ATP9B: variants seen among roughly 807,000 people sequenced by gnomAD.
The protein encoded by ATP9B is probable phospholipid-transporting ATPase IIB.
In ATP9B, 110 loss-of-function variants were observed where a neutral mutation model predicts 146.1. The ratio of observed to expected loss-of-function variants is 0.75; its 90% CI spans 0.65 to 0.88. The LOEUF is 0.88. Among genes scored for constraint, ATP9B ranks in the 40% least tolerant of loss-of-function variants. The pLI, the probability that ATP9B is intolerant of heterozygous loss-of-function variation, is 0.00. For missense variants in ATP9B, 1,499 were observed against 1,496.4 expected (o/e 1.00, Z -0.03); for synonymous variants, 604 against 569.7 (o/e 1.06, Z -0.86).
chr18:79,228,497 C>T (rs1294953312), intron 11 of ATP9B, among the ~76,000 whole-genome samples: 2 of 152,078 alleles, frequency 1.3e-5, no homozygotes, highest in African/African-American at 2.4e-5. Flanking sequence ...TTAAGGTGAT[C>T]GCCTGTTGCA....
intron 5 of ATP9B, among the ~76,000 whole-genome samples, chr18:79,133,930 G>C (rs557950680): frequency 6.6e-6 from 1 of 152,222 alleles, no homozygotes; most frequent in Non-Finnish European, 1.5e-5. Flanking sequence ...TCTTCTGTCC[G>C]AAGTGGGAAA....
chr18:79,238,462 G>A (rs1011115345), intron 11 of ATP9B, among the ~76,000 whole-genome samples: 2 of 152,254 alleles, frequency 1.3e-5, no homozygotes, highest in South Asian at 4.1e-4. Flanking sequence ...CTGCTGTTCC[G>A]GCCGGGCTGT....
At position 79,071,049 on chromosome 18, in the gene ATP9B, CTTTT is replaced by C. The variant is rs746689031; in HGVS notation, c.119+1534_119+1537del. Among the ~76,000 whole-genome samples, 13 of 112,370 alleles carry C rather than the reference CTTTT, an allele frequency of 1.2e-4. 1 individual carries two copies. Among genetic ancestry groups the C allele is most frequent in the Non-Finnish European group, 1.4e-4 (8 of 55,884 alleles). The allele number at this position is 112,370 out of a possible 152,430, so 73.7% of individuals were successfully genotyped here. The stretch of plus-strand genomic sequence containing the variant: ...CTGATTCTCATTCTGATTCCTGTTT[CTTTT>C]TTTTTTTTTTTTTGCCACTTTTTGG... On this transcript the variant is annotated intron_variant, in intron 1 of 29. Transcript: ENST00000426216.
Position 79,327,764 on chromosome 18 carries a change from C to CCA in ATP9B, c.1774-1377_1774-1376insCA, listed in dbSNP as rs1568700301. Among the ~76,000 whole-genome samples the CCA allele has an allele frequency of 1.5e-4, 20 of 133,412 alleles. 1 individual carries two copies. The highest frequency in any genetic ancestry group is 5.6e-4 in the African/African-American group (19 of 33,866). 87.5% of individuals were successfully genotyped at this position (133,412 alleles called of 152,430 possible). ...GTGCTCTCCGTGGTTAGCGTGCTCT[C>CCA]TGTGGTTAACGTGCTCTCCGTGGTT... On this transcript the variant is annotated intron_variant, in intron 15 of 29. Coordinates refer to ENST00000426216, the MANE Select transcript of ATP9B (RefSeq NM_198531.5).
At chr18:79,350,044 T>C (rs1404214384) in intron 25 of ATP9B, among the ~76,000 whole-genome samples, 1 of 152,186 alleles carries the variant, frequency 6.6e-6, no homozygotes, top group Non-Finnish European at 1.5e-5. Context: ...TGAACTTCAG[T>C]GCATGCGAAT....
intron 27 of ATP9B, among the ~76,000 whole-genome samples, chr18:79,373,527 TCAC>T (rs2097085394): frequency 6.6e-6 from 1 of 150,918 alleles, no homozygotes; most frequent in South Asian, 2.1e-4. Context: ...TCTCGCTCTG[TCAC>T]CCAGGCTGGA....
rs144929764 is a variant in ATP9B, at chr18:79,077,123, A to G, written c.119+7594A>G. ...CTGTGTTGTTTTGATGTTGACATCT[A>G]TTGATTCTCTTTTCTCATTTGAGTT... On this transcript the variant is annotated intron_variant, in intron 1 of 29. Transcript: ENST00000426216. Among the ~76,000 whole-genome samples, 490 of 152,306 alleles carry G rather than the reference A, an allele frequency of 3.2e-3. 6 individuals are homozygous for G. The highest frequency in any genetic ancestry group is 0.011 in the African/African-American group (461 of 41,576).
At chr18:79,148,880 A>C (rs2094636243) in intron 6 of ATP9B, among the ~76,000 whole-genome samples, 1 of 152,234 alleles carries the variant, frequency 6.6e-6, no homozygotes, top group African/African-American at 2.4e-5. Context: ...GTCAAGTTAT[A>C]AGATTGATGC....
At chr18:79,206,314 T>A (rs1302262065) in intron 9 of ATP9B, among the ~76,000 whole-genome samples, 2 of 152,200 alleles carry the variant, frequency 1.3e-5, no homozygotes, top group Non-Finnish European at 2.9e-5. Flanking sequence ...TTAACAATAT[T>A]CACAGAAGCA....
intron 8 of ATP9B, among the ~76,000 whole-genome samples, chr18:79,190,682 A>G (rs1167884034): frequency 6.6e-6 from 1 of 152,046 alleles, no homozygotes; most frequent in East Asian, 1.9e-4. Context: ...AATAGCTGGG[A>G]CTACAGACGT....
chr18:79,185,316 A>G (rs2095297181), intron 8 of ATP9B, among the ~76,000 whole-genome samples: 2 of 151,674 alleles, frequency 1.3e-5, no homozygotes, highest in Admixed American at 1.3e-4. Flanking sequence ...ATAGGAAGTG[A>G]CATTTTATTA....
chr18:79,219,548 A>G (rs552934072), intron 11 of ATP9B, among the ~76,000 whole-genome samples: 5 of 92,878 alleles, frequency 5.4e-5, no homozygotes, highest in African/African-American at 2.5e-4. Flanking sequence ...ATTACTGAAA[A>G]GAAAATCATA....
intron 9 of ATP9B, among the ~76,000 whole-genome samples, chr18:79,200,874 G>C (rs2095479985): frequency 7.6e-6 from 1 of 131,068 alleles, no homozygotes; most frequent in Admixed American, 8.0e-5. Flanking sequence ...TCTAGAGCCT[G>C]AGGCTCCCAC....
chr18:79,250,071 C>T (rs1347419882), intron 11 of ATP9B, among the ~76,000 whole-genome samples: 11 of 152,200 alleles, frequency 7.2e-5, no homozygotes, highest in Admixed American at 3.9e-4. Context: ...ATTCACTAGT[C>T]AAGCATCTGA....
At position 79,337,572 on chromosome 18, in the gene ATP9B, G is replaced by C. The variant is rs192126026; in HGVS notation, c.2283+123G>C. 27 of 1,336,870 alleles carry C rather than the reference G, an allele frequency of 2.0e-5. 1 individual carries two copies. In the African/African-American group the frequency reaches 2.6e-4, roughly 13 times the overall value. The allele number at this position is 1,336,870 out of a possible 1,614,324, so 82.8% of individuals were successfully genotyped here. On this transcript the variant is annotated intron_variant, in intron 19 of 29. Coordinates refer to ENST00000426216, the MANE Select transcript of ATP9B (RefSeq NM_198531.5). ...TGGATGTGAGAGAGCTCTGTAAGCA[G>C]AGCTGCCCACCAGCTCCCCTCCTTC...
intron 6 of ATP9B, among the ~76,000 whole-genome samples, chr18:79,152,658 T>G (rs143037393): frequency 6.2e-4 from 94 of 152,312 alleles, no homozygotes; most frequent in African/African-American, 2.1e-3. Flanking sequence ...TTTTCTCTTT[T>G]AGGCATTTTA....
chr18:79,135,417 T>C (rs764422850), intron 5 of ATP9B, among the ~76,000 whole-genome samples: 8 of 152,216 alleles, frequency 5.3e-5, no homozygotes, highest in Non-Finnish European at 7.3e-5. Flanking sequence ...TCTCTGAATG[T>C]GCCTTCTTGC....
intron 11 of ATP9B, among the ~76,000 whole-genome samples, chr18:79,240,609 G>A (rs2144688608): frequency 6.6e-6 from 1 of 152,316 alleles, no homozygotes; most frequent in African/African-American, 2.4e-5. Flanking sequence ...GCTGGGTGTG[G>A]TGGTGCATGC....
At chr18:79,318,227 G>A (rs976379897) in intron 15 of ATP9B, among the ~76,000 whole-genome samples, 2 of 152,192 alleles carry the variant, frequency 1.3e-5, no homozygotes, top group African/African-American at 2.4e-5. Context: ...CGATGACTTC[G>A]TCCCAAAGAG....
Sources: gnomAD v4.1 joint callset for allele counts (sites outside exome capture counted in the v4.1 genomes callset) on GRCh38, gnomAD v4.1.1 for gene constraint, MANE v1.5 for transcripts, NCBI Gene and HGNC (gene_info 2026-07-23, HGNC 2026-07-21) for gene names.